PDLIM5: variants seen among roughly 807,000 people sequenced by gnomAD.
PDLIM5 encodes PDZ and LIM domain 5, also known as PDZ and LIM domain protein 5.
Under a neutral mutation model 64.2 loss-of-function variants are expected in PDLIM5, and 34 were observed. The ratio of observed to expected loss-of-function variants is 0.53; its 90% CI spans 0.40 to 0.71. The LOEUF (loss-of-function observed/expected upper bound fraction) is 0.71, where lower values mean the gene tolerates loss of function less well. Among genes scored for constraint, PDLIM5 ranks in the 30% least tolerant of loss-of-function variants. The pLI is 0.00. For missense variants in PDLIM5, 683 were observed against 733.6 expected, an observed-to-expected ratio of 0.93 and a Z score of 0.80; for synonymous variants, 253 against 269.1, an observed-to-expected ratio of 0.94 and a Z score of 0.59.
intron 3 of PDLIM5, among the ~76,000 whole-genome samples, chr4:94,556,740 T>C (rs1048762922): frequency 9.8e-5 from 15 of 152,332 alleles, no homozygotes; most frequent in Middle Eastern, 3.4e-3. Flanking sequence ...TCACCCACTT[T>C]TTGATGGGGT....
intron 3 of PDLIM5, among the ~76,000 whole-genome samples, chr4:94,569,492 G>GT (rs1298944811): frequency 6.6e-6 from 1 of 152,006 alleles, no homozygotes; most frequent in Non-Finnish European, 1.5e-5. Context: ...GCTAATTTTT[G>GT]TATGTTTAGT....
chr4:94,471,827 C>T (rs1724895923), intron 2 of PDLIM5, among the ~76,000 whole-genome samples: 1 of 151,914 alleles, frequency 6.6e-6, no homozygotes, highest in South Asian at 2.1e-4. Flanking sequence ...GTTAAGGTTA[C>T]CTAATAACAT....
At chr4:94,573,082 T>C (rs1734943755) in intron 3 of PDLIM5, among the ~76,000 whole-genome samples, 1 of 152,170 alleles carries the variant, frequency 6.6e-6, no homozygotes, top group South Asian at 2.1e-4. Context: ...ACAAACAGGA[T>C]TGATGTTTGT....
chr4:94,532,299 C>T (rs371642281), intron 3 of PDLIM5, among the ~76,000 whole-genome samples: 32 of 152,102 alleles, frequency 2.1e-4, no homozygotes, highest in African/African-American at 7.2e-4. Flanking sequence ...GACGGACGAA[C>T]GTAGAAATGA....
rs1743023553 is a variant in PDLIM5, at chr4:94,665,388, A to T, written c.*1321A>T. ...TCCCATGTACTTGGGAGGCTGAGGCAGGAAAATTCTTGAACCCAGGAGACG... is the reference window on the plus strand; with the variant it reads ...TCCCATGTACTTGGGAGGCTGAGGCTGGAAAATTCTTGAACCCAGGAGACG... On this transcript the variant is annotated 3_prime_UTR_variant, in exon 13 of 13. Coordinates refer to ENST00000317968, the MANE Select transcript of PDLIM5 (RefSeq NM_006457.5). The T allele has an allele frequency of 3.0e-6, 1 of 338,812 alleles. No homozygotes were observed. Among genetic ancestry groups the T allele is most frequent in the African/African-American group, 2.3e-5 (1 of 44,046 alleles). The allele number at this position is 338,812 out of a possible 1,614,324, so 21.0% of individuals were successfully genotyped here. A position where few individuals can be genotyped will look rare whatever the true frequency, so the allele number is the denominator to read the frequency against.
chr4:94,523,987 G>A, intron 3 of PDLIM5, 112 bp downstream of exon 3: 2 of 686,234 alleles, frequency 2.9e-6, no homozygotes, highest in South Asian at 2.5e-5. Context: ...CATCATTTCA[G>A]GTAAATAAAA....
chr4:94,625,695 T>A (rs1053211713), intron 8 of PDLIM5, among the ~76,000 whole-genome samples: 2 of 152,084 alleles, frequency 1.3e-5, no homozygotes, highest in Admixed American at 6.6e-5. Flanking sequence ...CCTTGTGATC[T>A]GCCCGCCTCG....
chr4:94,610,247 C>T, intron 7 of PDLIM5: 1 of 1,519,246 alleles, frequency 6.6e-7, no homozygotes, highest in East Asian at 2.5e-5. Flanking sequence ...AGATATAGTG[C>T]TGCAGTTCTG....
intron 2 of PDLIM5, among the ~76,000 whole-genome samples, chr4:94,460,635 A>C (rs1301690740): frequency 7.0e-6 from 1 of 143,790 alleles, no homozygotes; most frequent in Non-Finnish European, 1.5e-5. Context: ...AAAAAAAAGA[A>C]AAAAAAAAAG....
At chr4:94,626,573 C>T (rs1739714806) in intron 8 of PDLIM5, among the ~76,000 whole-genome samples, 1 of 152,180 alleles carries the variant, frequency 6.6e-6, no homozygotes, top group Admixed American at 6.5e-5. Context: ...CTTCAAGTGA[C>T]TGGCAACTGC....
intron 8 of PDLIM5, among the ~76,000 whole-genome samples, chr4:94,623,409 C>G (rs987014657): frequency 7.2e-5 from 11 of 152,186 alleles, no homozygotes; most frequent in African/African-American, 2.7e-4. Flanking sequence ...TCCTGACAAA[C>G]TTCTCTTTAC....
At chr4:94,634,353 A>T (rs1740392037) in intron 8 of PDLIM5, among the ~76,000 whole-genome samples, 1 of 152,132 alleles carries the variant, frequency 6.6e-6, no homozygotes, top group African/African-American at 2.4e-5. Context: ...TATCACCATG[A>T]GCAGTTCATC....
intron 3 of PDLIM5, among the ~76,000 whole-genome samples, chr4:94,540,050 G>T (rs1296655435): frequency 6.6e-6 from 1 of 151,704 alleles, no homozygotes; most frequent in Non-Finnish European, 1.5e-5. Flanking sequence ...GGTAATGTGT[G>T]TCAGACATTC....
intron 8 of PDLIM5, among the ~76,000 whole-genome samples, chr4:94,632,443 A>C (rs1432438236): frequency 1.3e-5 from 2 of 152,154 alleles, no homozygotes; most frequent in South Asian, 4.1e-4. Context: ...AAATATATGT[A>C]TCTGCACTCC....
chr4:94,501,532 A>G (rs1727920263), intron 2 of PDLIM5, among the ~76,000 whole-genome samples: 4 of 152,244 alleles, frequency 2.6e-5, no homozygotes, highest in Non-Finnish European at 5.9e-5. Context: ...GCAATTTGAC[A>G]GTAATTTTAT....
At chr4:94,544,876 G>A (rs1732170795) in intron 3 of PDLIM5, among the ~76,000 whole-genome samples, 2 of 152,188 alleles carry the variant, frequency 1.3e-5, no homozygotes, top group African/African-American at 2.4e-5. Flanking sequence ...GGAAGTATGT[G>A]CATGAGATTT....
At chr4:94,660,674 G>A (rs1742623821) in intron 11 of PDLIM5, among the ~76,000 whole-genome samples, 1 of 152,140 alleles carries the variant, frequency 6.6e-6, no homozygotes, top group Non-Finnish European at 1.5e-5. Context: ...CTGGCACACA[G>A]TAGACTGCAT....
At chr4:94,490,391 A>G (rs1726763762) in intron 2 of PDLIM5, among the ~76,000 whole-genome samples, 1 of 152,124 alleles carries the variant, frequency 6.6e-6, no homozygotes, top group Non-Finnish European at 1.5e-5. Flanking sequence ...AAATAAGCTT[A>G]TTAAAGACTT....
At chr4:94,537,286 C>T (rs1160333839) in intron 3 of PDLIM5, among the ~76,000 whole-genome samples, 2 of 152,102 alleles carry the variant, frequency 1.3e-5, no homozygotes. Context: ...GTTTATAGCA[C>T]TTTTTCCTGT....
Sources: gnomAD v4.1 joint callset for allele counts (sites outside exome capture counted in the v4.1 genomes callset) on GRCh38, gnomAD v4.1.1 for gene constraint, MANE v1.5 for transcripts, NCBI Gene and HGNC (gene_info 2026-07-23, HGNC 2026-07-21) for gene names.